THSD7B: variants seen among roughly 807,000 people sequenced by gnomAD.
THSD7B encodes thrombospondin type-1 domain-containing protein 7B.
A neutral mutation model predicts 213.6 loss-of-function variants in THSD7B; 138 were observed. That is an observed-to-expected ratio of 0.65 (90% CI 0.56 to 0.74). THSD7B has a LOEUF of 0.74. Ranked by LOEUF, THSD7B falls within the 30% of genes least tolerant of loss-of-function variation. THSD7B has a pLI of 0.00. For missense variants in THSD7B, 1,931 were observed against 1,991.5 expected (o/e 0.97, Z 0.58); for synonymous variants, 742 against 687.0 (o/e 1.08, Z -1.25).
At chr2:136,837,248 T>A (rs550823445) in intron 1 of THSD7B, among the ~76,000 whole-genome samples, 1 of 152,370 alleles carries the variant, frequency 6.6e-6, no homozygotes, top group East Asian at 1.9e-4. Flanking sequence ...CTATGGCCTG[T>A]AAGATCTGCC....
intron 3 of THSD7B, among the ~76,000 whole-genome samples, chr2:137,087,983 T>C (rs1687872203): frequency 6.6e-6 from 1 of 152,136 alleles, no homozygotes. Context: ...CTCACGCTTG[T>C]AATCCTAGCA....
intron 2 of THSD7B, among the ~76,000 whole-genome samples, chr2:136,948,465 TAC>T (rs200996592): frequency 6.7e-6 from 1 of 149,484 alleles, no homozygotes; most frequent in African/African-American, 2.5e-5. Context: ...TATAAAAGAA[TAC>T]ACACACACAC....
chr2:137,562,761 C>T (rs1329675775), intron 15 of THSD7B, among the ~76,000 whole-genome samples: 1 of 152,030 alleles, frequency 6.6e-6, no homozygotes, highest in African/African-American at 2.4e-5. Context: ...ATTTCCGGTA[C>T]AAATCATATC....
At chr2:137,601,321 C>T (rs557519310) in intron 17 of THSD7B, among the ~76,000 whole-genome samples, 1 of 152,274 alleles carries the variant, frequency 6.6e-6, no homozygotes, top group East Asian at 1.9e-4. Context: ...CCTGCAGGCT[C>T]CATCTGTGCT....
chr2:137,569,940 T>A (rs1459384440), intron 16 of THSD7B, among the ~76,000 whole-genome samples: 1 of 151,928 alleles, frequency 6.6e-6, no homozygotes, highest in Non-Finnish European at 1.5e-5. Context: ...TCTTTTTCAG[T>A]GAAATAATAA....
At chr2:137,455,489 T>A (rs1033079241) in intron 15 of THSD7B, among the ~76,000 whole-genome samples, 1 of 152,200 alleles carries the variant, frequency 6.6e-6, no homozygotes, top group African/African-American at 2.4e-5. Context: ...CATAAGTTGA[T>A]CTGAATCTGT....
intron 12 of THSD7B, among the ~76,000 whole-genome samples, chr2:137,315,792 A>G (rs1684085089): frequency 1.3e-5 from 2 of 152,172 alleles, no homozygotes; most frequent in Non-Finnish European, 2.9e-5. Context: ...TAGTTACCCC[A>G]TGAGTTCAAA....
In THSD7B at chr2:137,620,672, C is replaced by T. The variant is rs1443448032; in HGVS notation, c.3745C>T (p.Gln1249Ter). Residue 1249 changes from glutamine (Q) to a stop codon, truncating the protein, a stop_gained, in exon 20 of 28, where the codon CAG becomes TAG. Transcript: ENST00000409968. LOFTEE classifies it high-confidence loss of function. The stretch of plus-strand genomic sequence containing the variant: ...CTTGGTGGAATGCGTGGTCAACTGT[C>T]AGCTCTCAGGGTGGACGGCTTGGAC... ...PCLVECVVNC[Q>*]LSGWTAWTEC... 6.2e-7 allele frequency: 1 copy of T among 1,613,832 alleles called. No homozygotes were observed. Among genetic ancestry groups the T allele is most frequent in the Non-Finnish European group, 8.5e-7 (1 of 1,179,842 alleles).
intron 13 of THSD7B, among the ~76,000 whole-genome samples, chr2:137,411,178 A>G (rs974193670): frequency 2.6e-5 from 4 of 152,272 alleles, no homozygotes; most frequent in Non-Finnish European, 5.9e-5. Flanking sequence ...AACTTTGTCC[A>G]TCACATTGCA....
chr2:137,646,890 G>T (rs1310509193), intron 21 of THSD7B, among the ~76,000 whole-genome samples: 1 of 152,098 alleles, frequency 6.6e-6, no homozygotes, highest in Non-Finnish European at 1.5e-5. Context: ...TGACTGCTCA[G>T]ATTCTTTAGA....
At chr2:137,675,734 G>T (rs1341774714) in intron 27 of THSD7B, among the ~76,000 whole-genome samples, 1 of 152,114 alleles carries the variant, frequency 6.6e-6, no homozygotes, top group Non-Finnish European at 1.5e-5. Flanking sequence ...CAGGGAGAGA[G>T]ATGAAGCCGG....
At position 137,632,928 on chromosome 2, in the gene THSD7B, C is replaced by T. The variant is rs191125240; in HGVS notation, c.3800-9560C>T. Among the ~76,000 whole-genome samples the T allele has an allele frequency of 3.4e-3, 518 of 152,150 alleles. 16 individuals carry two copies. The highest frequency in any genetic ancestry group is 0.031 in the Admixed American group (480 of 15,262). On this transcript the variant is annotated intron_variant, in intron 20 of 27. Coordinates refer to ENST00000409968, the MANE Select transcript of THSD7B (RefSeq NM_001316349.2). ...ATCTTCTCTAGGATAAAAGGGTATC[C>T]GGAGACCTGAAGCAACTTTCATATA...
rs75470224 is a variant in THSD7B at position 137,673,099 on chromosome 2, T to C, written c.4740-3425T>C. Among the ~76,000 whole-genome samples, 1,184 of 152,292 alleles carry C rather than the reference T, an allele frequency of 7.8e-3. 14 individuals carry two copies. The highest frequency in any genetic ancestry group is 0.027 in the African/African-American group (1,112 of 41,552). On this transcript the variant is annotated intron_variant, in intron 27 of 27. Coordinates refer to ENST00000409968, the MANE Select transcript of THSD7B (RefSeq NM_001316349.2). The stretch of plus-strand genomic sequence containing the variant: ...CTCACAAATGGCTGCCAAAACAAAA[T>C]GTGGTTTGCTGCTTTCATCAAACTA...
At chr2:137,146,365 T>G (rs1336618714) in intron 5 of THSD7B, among the ~76,000 whole-genome samples, 1 of 152,104 alleles carries the variant, frequency 6.6e-6, no homozygotes, top group Admixed American at 6.6e-5. Flanking sequence ...TTTCAAATCC[T>G]TAATCTGGAA....
At chr2:136,784,776 C>T (rs1036951060) in intron 1 of THSD7B, among the ~76,000 whole-genome samples, 3 of 152,154 alleles carry the variant, frequency 2.0e-5, no homozygotes, top group African/African-American at 7.2e-5. Context: ...GTGCAATTTT[C>T]AAGGCAAGTT....
chr2:137,363,357 G>A (rs2104938620), intron 12 of THSD7B, among the ~76,000 whole-genome samples: 1 of 152,216 alleles, frequency 6.6e-6, no homozygotes, highest in East Asian at 1.9e-4. Context: ...AAATTCAAAA[G>A]CTAGCAGAAG....
At chr2:137,123,743 T>G (rs1688584189) in intron 5 of THSD7B, among the ~76,000 whole-genome samples, 1 of 152,158 alleles carries the variant, frequency 6.6e-6, no homozygotes. Flanking sequence ...CAACTTTTCT[T>G]TCTGTTCCTC....
At chr2:137,603,273 G>C (rs1406299395) in intron 17 of THSD7B, among the ~76,000 whole-genome samples, 1 of 152,094 alleles carries the variant, frequency 6.6e-6, no homozygotes, top group Admixed American at 6.5e-5. Context: ...AATTACATGG[G>C]GTAAATCTGA....
intron 4 of THSD7B, among the ~76,000 whole-genome samples, chr2:137,103,161 G>T (rs903874682): frequency 6.6e-6 from 1 of 152,220 alleles, no homozygotes; most frequent in Non-Finnish European, 1.5e-5. Context: ...CCCACAAAGG[G>T]AAGCTGATCA....
Sources: gnomAD v4.1 joint callset for allele counts (sites outside exome capture counted in the v4.1 genomes callset) on GRCh38, gnomAD v4.1.1 for gene constraint, MANE v1.5 for transcripts, NCBI Gene and HGNC (gene_info 2026-07-23, HGNC 2026-07-21) for gene names.